Variants in MAGEC3 observed in about 807,000 individuals in gnomAD.
MAGEC3 encodes melanoma-associated antigen C3.
Under a neutral mutation model 35.3 loss-of-function variants are expected in MAGEC3, and 34 were observed. The ratio of observed to expected loss-of-function variants is 0.96; its 90% CI spans 0.73 to 1.28. MAGEC3 has a LOEUF of 1.28. Ranked by LOEUF, MAGEC3 falls within the 50% of genes most tolerant of loss-of-function variation. The pLI is 0.00. For missense variants in MAGEC3, 561 were observed against 483.6 expected (o/e 1.16, Z -1.50); for synonymous variants, 202 against 185.6 (o/e 1.09, Z -0.72).
chrX:141,883,236 C>A (rs1344456755), intron 4 of MAGEC3, among the ~76,000 whole-genome samples: 2 of 112,134 alleles, frequency 1.8e-5, no homozygotes, highest in African/African-American at 6.5e-5. Flanking sequence ...CACTCATTTT[C>A]CTAGCCTGGG....
intron 2 of MAGEC3, among the ~76,000 whole-genome samples, chrX:141,872,444 A>G (rs2017894309): frequency 9.0e-6 from 1 of 111,211 alleles, no homozygotes; most frequent in Non-Finnish European, 1.9e-5. Flanking sequence ...ACAGAGACCC[A>G]GAATCCTCTT....
intron 2 of MAGEC3, among the ~76,000 whole-genome samples, chrX:141,865,931 G>A (rs1191916239): frequency 1.8e-5 from 2 of 111,548 alleles, no homozygotes; most frequent in African/African-American, 6.5e-5. Flanking sequence ...ATGGGTATCA[G>A]GTAGCAACAA....
chrX:141,892,187 A>G (rs1183662530), intron 4 of MAGEC3, among the ~76,000 whole-genome samples: 1 of 111,659 alleles, frequency 9.0e-6, no homozygotes. Flanking sequence ...GCTGTGGTAC[A>G]TTGCTATGGC....
At chrX:141,851,626 C>T (rs1264394165) in intron 1 of MAGEC3, among the ~76,000 whole-genome samples, 3 of 110,742 alleles carry the variant, frequency 2.7e-5, no homozygotes, top group African/African-American at 6.5e-5. Flanking sequence ...AATTTTACAC[C>T]TGTTAGCAAC....
chrX:141,880,981 C>G lies in MAGEC3; in HGVS notation c.516-422C>G, dbSNP rs2017959112. 18 of 546,109 alleles carry G rather than the reference C, an allele frequency of 3.3e-5. No individual in the cohort carries two copies. In the South Asian group the frequency reaches 5.2e-4, roughly 16 times the overall value. 45.0% of individuals were successfully genotyped at this position (546,109 alleles called of 1,213,427 possible). ...TCCTGCTCCTAAGGAAGACGTTATG[C>G]CTGTGTTTTGAAATGTTCCTAGCGG... On this transcript the variant is annotated intron_variant, in intron 3 of 7. Transcript: ENST00000298296.
At chrX:141,855,731 C>T (rs774675159) in intron 1 of MAGEC3, among the ~76,000 whole-genome samples, 17 of 111,568 alleles carry the variant, frequency 1.5e-4, no homozygotes, top group Non-Finnish European at 3.0e-4. Context: ...ATGTATAAAA[C>T]AGGTAGCTAA....
rs188167309 is a variant in MAGEC3 at position 141,895,528 on chromosome X, C to T, written c.1092C>T (p.Thr364=). The T allele has an allele frequency of 1.6e-4, 196 of 1,205,902 alleles. 2 individuals are homozygous for T. The East Asian group carries it at 5.7e-3, about 35-fold the overall frequency. The change falls in exon 6 of 8, where the codon ACC becomes ACT. Residue 364 remains threonine (T), a synonymous_variant. Coordinates refer to ENST00000298296, the MANE Select transcript of MAGEC3 (RefSeq NM_138702.1). The part of the protein sequence containing the change: ...HRQEDGRRGL[T]EASPQQKKGG... ...AGGAAGATGGCCGCCGAGGGCTGAC[C>T]GAGGCGTCCCCACAACAGAAGAAGG...
intron 2 of MAGEC3, among the ~76,000 whole-genome samples, chrX:141,869,955 T>C (rs974137901): frequency 4.5e-5 from 5 of 111,635 alleles, no homozygotes; most frequent in African/African-American, 1.3e-4. Flanking sequence ...GTTAAATAAT[T>C]CTGTTTACCT....
intron 2 of MAGEC3, among the ~76,000 whole-genome samples, chrX:141,876,761 T>G (rs1349870193): frequency 8.9e-6 from 1 of 112,385 alleles, no homozygotes; most frequent in African/African-American, 3.2e-5. Context: ...GTATGGATAT[T>G]CTGTTGTTCC....
chrX:141,887,554 C>T (rs973094628), intron 4 of MAGEC3, among the ~76,000 whole-genome samples: 5 of 111,793 alleles, frequency 4.5e-5, no homozygotes, highest in African/African-American at 1.6e-4. Context: ...GGCACAATGC[C>T]TAGAGGGCCT....
intron 1 of MAGEC3, chrX:141,838,987 C>T (rs1233094915): frequency 2.9e-6 from 1 of 349,029 alleles, no homozygotes; most frequent in Non-Finnish European, 3.7e-6. Flanking sequence ...GAGCTTTCTC[C>T]CTGAAGCAGT....
rs748101021 is a variant in MAGEC3 at position 141,895,416 on chromosome X, C to T, written c.1048+9C>T. The T allele has an allele frequency of 3.3e-6, 4 of 1,210,344 alleles. No homozygotes were observed. In the East Asian group the frequency reaches 1.2e-4, roughly 36 times the overall value. ...CCTGGCCAATCCTCAAGGTAAGGGC[C>T]CTAAGGGAGAACTGAGGGACTTCGC... On this transcript the variant is annotated intron_variant, in intron 5 of 7. Coordinates refer to ENST00000298296, the MANE Select transcript of MAGEC3 (RefSeq NM_138702.1).
At position 141,866,282 on chromosome X, in the gene MAGEC3, A is replaced by T. The variant is rs542810058; in HGVS notation, c.258+677A>T. Among the ~76,000 whole-genome samples the T allele has an allele frequency of 8.9e-5, 10 of 112,339 alleles. No homozygotes were observed. The Middle Eastern group carries it at 0.014, about 155-fold the overall frequency. Reference sequence around the variant, plus strand: ...TCATAAGTTTTATAGCTTCTAATTTAATTATAATCCATGGAGCTGTAATCC... The same window carrying T: ...TCATAAGTTTTATAGCTTCTAATTTTATTATAATCCATGGAGCTGTAATCC... On this transcript the variant is annotated intron_variant, in intron 2 of 7. Coordinates refer to ENST00000298296, the MANE Select transcript of MAGEC3 (RefSeq NM_138702.1).
At chrX:141,869,844 C>T (rs944538426) in intron 2 of MAGEC3, among the ~76,000 whole-genome samples, 37 of 111,809 alleles carry the variant, frequency 3.3e-4, no homozygotes, top group African/African-American at 9.7e-4. Flanking sequence ...TATTTGGACA[C>T]GAGAACTTTA....
chrX:141,843,826 A>G (rs1339318895), intron 1 of MAGEC3, among the ~76,000 whole-genome samples: 2 of 110,785 alleles, frequency 1.8e-5, no homozygotes, highest in African/African-American at 6.5e-5. Context: ...TATAAGTGCA[A>G]TGTAAACAAG....
At position 141,892,563 on chromosome X, in the gene MAGEC3, A is replaced by AATTATTATTATTTAATAATAATG. The variant is rs751011098; in HGVS notation, c.910-2693_910-2671dup. 6.8e-4 allele frequency among the ~76,000 whole-genome samples: 76 copies of AATTATTATTATTTAATAATAATG among 111,371 alleles called. 1 individual carries two copies. In the East Asian group the frequency reaches 0.021, roughly 31 times the overall value. ...TTAATTCTCTCACATTAACAGAGGAAATTATTATTATTTAATAATAATGAT... is the reference window on the plus strand; with the variant it reads ...TTAATTCTCTCACATTAACAGAGGAAATTATTATTATTTAATAATAATGATTATTATTATTTAATAATAATGAT... On this transcript the variant is annotated intron_variant, in intron 4 of 7. Transcript: ENST00000298296.
chrX:141,873,069 A>G (rs991504167), intron 2 of MAGEC3, among the ~76,000 whole-genome samples: 1 of 112,079 alleles, frequency 8.9e-6, no homozygotes, highest in Non-Finnish European at 1.9e-5. Context: ...TTGACAGTCA[A>G]GGCACATTTA....
intron 1 of MAGEC3, among the ~76,000 whole-genome samples, chrX:141,850,314 C>T (rs1980573244): frequency 9.0e-6 from 1 of 110,522 alleles, no homozygotes; most frequent in African/African-American, 3.3e-5. Context: ...ACTCCAACCT[C>T]AGCACTGTGC....
intron 1 of MAGEC3, among the ~76,000 whole-genome samples, chrX:141,844,943 C>T (rs374533893): frequency 9.1e-6 from 1 of 109,770 alleles, no homozygotes; most frequent in African/African-American, 3.3e-5. Flanking sequence ...TTTTTTTAAG[C>T]GCTAACGTTT....
Sources: allele counts gnomAD v4.1 joint callset (sites outside exome capture counted in the v4.1 genomes callset), GRCh38; gene constraint gnomAD v4.1.1; transcripts MANE v1.5; gene names NCBI Gene and HGNC (gene_info 2026-07-23, HGNC 2026-07-21).